HDAC8: variants seen among roughly 807,000 people sequenced by gnomAD.
The protein encoded by HDAC8 is histone deacetylase-like 1.
Under a neutral mutation model 32.2 loss-of-function variants are expected in HDAC8, and 1 was observed. That is an observed-to-expected ratio of 0.03 (90% confidence interval 0.01 to 0.15). The LOEUF (loss-of-function observed/expected upper bound fraction) is 0.15. HDAC8 is among the 10% of genes least tolerant of loss of function. The pLI is 1.00. For missense variants in HDAC8, 117 were observed against 300.0 expected (o/e 0.39, Z 4.51); for synonymous variants, 108 against 113.9 (o/e 0.95, Z 0.33).
chrX:72,531,096 T>C (rs1048310813), intron 4 of HDAC8, among the ~76,000 whole-genome samples: 12 of 111,439 alleles, frequency 1.1e-4, no homozygotes, highest in African/African-American at 3.9e-4. Flanking sequence ...CAAGGAATGA[T>C]TGGTGATGAG....
At chrX:72,395,126 A>C (rs1354666129) in intron 9 of HDAC8, among the ~76,000 whole-genome samples, 1 of 112,643 alleles carries the variant, frequency 8.9e-6, no homozygotes, top group African/African-American at 3.2e-5. Flanking sequence ...TAAGAGCAAA[A>C]GATTAATTTT....
chrX:72,557,274 A>G (rs967282176), intron 4 of HDAC8, among the ~76,000 whole-genome samples: 6 of 111,994 alleles, frequency 5.4e-5, no homozygotes, highest in Non-Finnish European at 3.8e-5. Context: ...CACATGGAAC[A>G]TTCTCCAAGA....
chrX:72,503,391 A>C (rs1181176899), intron 4 of HDAC8, among the ~76,000 whole-genome samples: 1 of 112,276 alleles, frequency 8.9e-6, no homozygotes, highest in Non-Finnish European at 1.9e-5. Context: ...GAGTGGAAAA[A>C]GAACTAATTA....
intron 9 of HDAC8, among the ~76,000 whole-genome samples, chrX:72,456,949 T>C (rs1348340735): frequency 2.7e-5 from 3 of 110,750 alleles, no homozygotes; most frequent in African/African-American, 6.6e-5. Context: ...CTTATCAACA[T>C]AGACACAAAA....
At chrX:72,431,053 A>G (rs1027610080) in intron 9 of HDAC8, among the ~76,000 whole-genome samples, 9 of 111,393 alleles carry the variant, frequency 8.1e-5, no homozygotes, top group African/African-American at 2.9e-4. Flanking sequence ...GACCTCGTGT[A>G]GACACCCAAT....
intron 4 of HDAC8, among the ~76,000 whole-genome samples, chrX:72,560,688 G>A (rs1322512388): frequency 2.8e-5 from 3 of 106,461 alleles, no homozygotes; most frequent in Non-Finnish European, 5.8e-5. Context: ...TAGGTTCTTT[G>A]TAGATGGCCC....
At chrX:72,422,103 C>T (rs2046507732) in intron 9 of HDAC8, among the ~76,000 whole-genome samples, 2 of 111,516 alleles carry the variant, frequency 1.8e-5, no homozygotes, top group African/African-American at 6.5e-5. Flanking sequence ...TCTTTGTCAA[C>T]AGTTTGATTA....
At chrX:72,425,255 G>A (rs1275771303) in intron 9 of HDAC8, among the ~76,000 whole-genome samples, 1 of 112,062 alleles carries the variant, frequency 8.9e-6, no homozygotes, top group Non-Finnish European at 1.9e-5. Context: ...TGGGTGTGAA[G>A]TGGTATCTCA....
At chrX:72,509,056 T>A (rs2147322528) in intron 4 of HDAC8, among the ~76,000 whole-genome samples, 1 of 111,022 alleles carries the variant, frequency 9.0e-6, no homozygotes, top group South Asian at 3.8e-4. Context: ...TGTTTATTTA[T>A]TTATTTATTG....
intron 9 of HDAC8, among the ~76,000 whole-genome samples, chrX:72,389,537 C>T (rs950643505): frequency 1.8e-5 from 2 of 111,905 alleles, no homozygotes; most frequent in Non-Finnish European, 3.8e-5. Flanking sequence ...TCAATCTTCA[C>T]AGCCACCCTG....
intron 4 of HDAC8, among the ~76,000 whole-genome samples, chrX:72,556,009 A>G (rs2051271049): frequency 1.8e-5 from 2 of 112,157 alleles, no homozygotes; most frequent in African/African-American, 6.5e-5. Context: ...AGGCAAAAGC[A>G]TGAGGTAACC....
At chrX:72,527,586 A>C (rs2050192436) in intron 4 of HDAC8, among the ~76,000 whole-genome samples, 2 of 110,912 alleles carry the variant, frequency 1.8e-5, no homozygotes, top group Admixed American at 9.6e-5. Context: ...CAAGTATTTA[A>C]ATACATGAAT....
intron 4 of HDAC8, among the ~76,000 whole-genome samples, chrX:72,515,765 A>T (rs2049784967): frequency 8.9e-6 from 1 of 111,807 alleles, no homozygotes; most frequent in South Asian, 3.8e-4. Context: ...TTCTCTGAGG[A>T]GGTAGCATTT....
At chrX:72,503,635 A>T (rs1556017327) in intron 4 of HDAC8, among the ~76,000 whole-genome samples, 1 of 111,739 alleles carries the variant, frequency 8.9e-6, no homozygotes, top group Non-Finnish European at 1.9e-5. Flanking sequence ...CTCATTGAGT[A>T]TTCTTATTTT....
chrX:72,539,375 GC>G (rs1458637075), intron 4 of HDAC8, among the ~76,000 whole-genome samples: 1 of 109,629 alleles, frequency 9.1e-6, no homozygotes, highest in East Asian at 2.8e-4. Context: ...GGGACTACAG[GC>G]ATGCGCCACC....
chrX:72,334,286 G>C (rs1555941658), intron 10 of HDAC8, among the ~76,000 whole-genome samples: 1 of 111,959 alleles, frequency 8.9e-6, no homozygotes, highest in East Asian at 2.8e-4. Context: ...AAGCAGGCTG[G>C]GGGCAAGACA....
intron 7 of HDAC8, among the ~76,000 whole-genome samples, chrX:72,477,688 T>G (rs1216346467): frequency 8.9e-6 from 1 of 112,970 alleles, no homozygotes; most frequent in Non-Finnish European, 1.9e-5. Flanking sequence ...GCATGGTTTT[T>G]GTGGGACTTA....
chrX:72,488,751 C>T (rs1242869569), intron 7 of HDAC8, among the ~76,000 whole-genome samples, 182 bp downstream of exon 7: 2 of 111,594 alleles, frequency 1.8e-5, no homozygotes, highest in Non-Finnish European at 3.8e-5. Flanking sequence ...GGTCCAACTG[C>T]TTGGCTCTGC....
chrX:72,571,648 C>T, intron 2 of HDAC8, among the ~76,000 whole-genome samples: 1 of 95,598 alleles, frequency 1.0e-5, no homozygotes, highest in East Asian at 3.8e-4. Context: ...CTCACTGCAA[C>T]CTTCACCTCC....
Sources: allele counts gnomAD v4.1 joint callset (sites outside exome capture counted in the v4.1 genomes callset), GRCh38; gene constraint gnomAD v4.1.1; transcripts MANE v1.5; gene names NCBI Gene and HGNC (gene_info 2026-07-23, HGNC 2026-07-21).